Variants in TMEM217B observed in about 807,000 individuals in gnomAD.
TMEM217B encodes putative transmembrane protein 217B.
the TMEM217B span, among the ~76,000 whole-genome samples, chr6:37,247,535 G>A: frequency 1.4e-4 from 21 of 151,962 alleles, no homozygotes; most frequent in South Asian, 3.5e-3. Context: ...CTACAGGTGC[G>A]TGCCACCACA....
At chr6:37,248,329 G>T in the TMEM217B span, among the ~76,000 whole-genome samples, 3 of 152,276 alleles carry the variant, frequency 2.0e-5, no homozygotes, top group Admixed American at 1.3e-4. Flanking sequence ...CTAGTTAGAA[G>T]AATTAATTTC....
the TMEM217B span, among the ~76,000 whole-genome samples, chr6:37,229,335 G>GTTTTTTTTTTTTT: frequency 2.0e-4 from 15 of 74,364 alleles, 4 homozygotes; most frequent in Non-Finnish European, 2.3e-4. Flanking sequence ...GCAACTTTCA[G>GTTTTTTTTTTTTT]TTTTTTTTTT....
chr6:37,248,222 C>T, the TMEM217B span, among the ~76,000 whole-genome samples: 1 of 152,094 alleles, frequency 6.6e-6, no homozygotes, highest in Non-Finnish European at 1.5e-5. Context: ...TAACCAGACT[C>T]CTCTACTAGA....
chr6:37,212,445 A>G, the TMEM217B span: 1 of 434,786 alleles, frequency 2.3e-6, no homozygotes, highest in Non-Finnish European at 4.6e-6. Context: ...ACATTCCCAG[A>G]CGGACAGGTA....
the TMEM217B span, among the ~76,000 whole-genome samples, chr6:37,225,973 C>A: frequency 6.6e-6 from 1 of 152,210 alleles, no homozygotes; most frequent in Non-Finnish European, 1.5e-5. Flanking sequence ...GAGAAATAAA[C>A]TCCTATCATA....
the TMEM217B span, among the ~76,000 whole-genome samples, chr6:37,233,837 A>G: frequency 1.3e-5 from 2 of 152,124 alleles, no homozygotes; most frequent in Non-Finnish European, 2.9e-5. Context: ...TTCGACTTAA[A>G]TTTTTTCCAC....
chr6:37,247,361 G>A, the TMEM217B span, among the ~76,000 whole-genome samples: 19 of 150,808 alleles, frequency 1.3e-4, no homozygotes, highest in African/African-American at 4.4e-4. Flanking sequence ...GGGGAAGGAA[G>A]GCAGTCAATA....
chr6:37,229,944 G>A, the TMEM217B span, among the ~76,000 whole-genome samples: 8 of 152,264 alleles, frequency 5.3e-5, no homozygotes, highest in South Asian at 1.5e-3. Context: ...CTGGGCTAGC[G>A]GGACCCTTCT....
At chr6:37,240,295 C>T in the TMEM217B span, among the ~76,000 whole-genome samples, 3 of 152,178 alleles carry the variant, frequency 2.0e-5, no homozygotes, top group Admixed American at 1.3e-4. Flanking sequence ...AGCTGTTGGC[C>T]TGGGCTGGGG....
chr6:37,243,274 T>C, the TMEM217B span, among the ~76,000 whole-genome samples: 1 of 152,236 alleles, frequency 6.6e-6, no homozygotes, highest in South Asian at 2.1e-4. Context: ...ATAAATTCGG[T>C]TGGCCAGAAT....
At chr6:37,229,377 C>A in the TMEM217B span, among the ~76,000 whole-genome samples, 1 of 122,936 alleles carries the variant, frequency 8.1e-6, no homozygotes, top group Non-Finnish European at 1.6e-5. Flanking sequence ...GTGTCTCGCT[C>A]TGTCGCCCAG....
chr6:37,237,520 A>C, the TMEM217B span, among the ~76,000 whole-genome samples: 1 of 152,232 alleles, frequency 6.6e-6, no homozygotes, highest in African/African-American at 2.4e-5. Flanking sequence ...GCAGACATTA[A>C]AAAGGATATT....
chr6:37,231,926 A>G, the TMEM217B span, among the ~76,000 whole-genome samples: 1 of 151,764 alleles, frequency 6.6e-6, no homozygotes, highest in African/African-American at 2.4e-5. Flanking sequence ...AAATTACAGA[A>G]TCTCAGTCCC....
the TMEM217B span, among the ~76,000 whole-genome samples, chr6:37,228,921 T>A: frequency 6.6e-6 from 1 of 151,406 alleles, no homozygotes; most frequent in Non-Finnish European, 1.5e-5. Flanking sequence ...GGCGTGAACC[T>A]GGGAGGTGGA....
the TMEM217B span, among the ~76,000 whole-genome samples, chr6:37,243,839 A>C: frequency 6.6e-6 from 1 of 152,260 alleles, no homozygotes; most frequent in African/African-American, 2.4e-5. Flanking sequence ...ATGCCATCAT[A>C]AGGATGTGGA....
the TMEM217B span, chr6:37,218,481 T>C: frequency 6.2e-6 from 10 of 1,613,898 alleles, no homozygotes; most frequent in African/African-American, 2.7e-5. Flanking sequence ...CCACTCGAAA[T>C]TGATAATCTT....
chr6:37,232,443 T>C, the TMEM217B span, among the ~76,000 whole-genome samples: 1 of 152,222 alleles, frequency 6.6e-6, no homozygotes, highest in Non-Finnish European at 1.5e-5. Context: ...TGGAGTGCAG[T>C]GGCACAATCT....
chr6:37,222,260 T>C, the TMEM217B span, among the ~76,000 whole-genome samples: 1 of 152,198 alleles, frequency 6.6e-6, no homozygotes, highest in Non-Finnish European at 1.5e-5. Context: ...GGGTGGGGCC[T>C]TACTGAGGAC....
chr6:37,254,405 C>T, the TMEM217B span, among the ~76,000 whole-genome samples: 2 of 152,304 alleles, frequency 1.3e-5, no homozygotes, highest in East Asian at 3.9e-4. Flanking sequence ...ATGACAGCTA[C>T]CAACTGATCT....
Sources: allele counts gnomAD v4.1 joint callset (sites outside exome capture counted in the v4.1 genomes callset), GRCh38; gene constraint gnomAD v4.1.1; transcripts MANE v1.5; gene names NCBI Gene and HGNC (gene_info 2026-07-23, HGNC 2026-07-21).